FOCAD: variants seen among roughly 807,000 people sequenced by gnomAD.
FOCAD encodes focadhesin.
In FOCAD, 198 loss-of-function variants were observed where a neutral mutation model predicts 225.6. That is an observed-to-expected ratio of 0.88 (90% CI 0.78 to 0.99). The LOEUF (loss-of-function observed/expected upper bound fraction) is 0.99. Ranked by LOEUF, FOCAD falls within the 50% of genes least tolerant of loss-of-function variation. The pLI is 0.00. For missense variants in FOCAD, 2,713 were observed against 2,123.6 expected, an observed-to-expected ratio of 1.28 and a Z score of -5.46; for synonymous variants, 897 against 755.0, an observed-to-expected ratio of 1.19 and a Z score of -3.08.
chr9:20,745,206 C>A (rs1437635216), intron 5 of FOCAD, among the ~76,000 whole-genome samples: 2 of 151,732 alleles, frequency 1.3e-5, no homozygotes, highest in African/African-American at 4.8e-5. Flanking sequence ...GCCTCCCAGG[C>A]TCAAGCTATC....
intron 24 of FOCAD, among the ~76,000 whole-genome samples, chr9:20,923,429 A>G (rs748801414): frequency 1.1e-4 from 16 of 152,226 alleles, no homozygotes; most frequent in Non-Finnish European, 2.1e-4. Flanking sequence ...TTAAGTTATG[A>G]AAAGGCATAA....
At chr9:20,816,863 C>T (rs866276976) in intron 11 of FOCAD, among the ~76,000 whole-genome samples, 3 of 152,038 alleles carry the variant, frequency 2.0e-5, no homozygotes, top group African/African-American at 7.2e-5. Flanking sequence ...ATTTACATAG[C>T]ATTTACATTG....
At chr9:20,704,650 A>AT (rs1018543887) in intron 1 of FOCAD, among the ~76,000 whole-genome samples, 8 of 152,224 alleles carry the variant, frequency 5.3e-5, no homozygotes, top group Admixed American at 1.3e-4. Flanking sequence ...CCCCTTTTCA[A>AT]TATTACTCTT....
intron 41 of FOCAD, among the ~76,000 whole-genome samples, chr9:20,989,499 T>C (rs1054381547): frequency 6.6e-6 from 1 of 152,136 alleles, no homozygotes; most frequent in East Asian, 1.9e-4. Context: ...GAAATCTAAA[T>C]GGATAGATCC....
At chr9:20,935,641 C>T (rs1331547929) in intron 28 of FOCAD, among the ~76,000 whole-genome samples, 1 of 152,216 alleles carries the variant, frequency 6.6e-6, no homozygotes, top group East Asian at 1.9e-4. Context: ...TCATGTGATC[C>T]ACCTGCTTCT....
chr9:20,787,196 A>G (rs1347541429), intron 10 of FOCAD: 1 of 167,906 alleles, frequency 6.0e-6, no homozygotes, highest in Non-Finnish European at 1.3e-5. Context: ...TGTCTCTGTT[A>G]TGTTGTTGCT....
At chr9:20,789,675 C>T (rs1291437968) in intron 11 of FOCAD, 67 bp downstream of exon 11, 1 of 1,567,726 alleles carries the variant, frequency 6.4e-7, no homozygotes, top group African/African-American at 1.4e-5. Flanking sequence ...TAGATTATTC[C>T]TGCTTTGTGG....
rs142057918 is a variant in FOCAD at position 20,884,508 on chromosome 9, G to A, written c.2504-601G>A. Among the ~76,000 whole-genome samples, 116 of 152,018 alleles carry A rather than the reference G, an allele frequency of 7.6e-4. 2 individuals carry two copies. In the East Asian group the frequency reaches 0.018, roughly 24 times the overall value. ...GATGGGGTTTCACCATGTTGACCTG[G>A]CTGGTCTCAAACTCCTGACCTCAAG... On this transcript the variant is annotated intron_variant, in intron 20 of 43. Transcript: ENST00000338382.
At chr9:20,846,930 C>A (rs1209078351) in intron 15 of FOCAD, among the ~76,000 whole-genome samples, 2 of 152,064 alleles carry the variant, frequency 1.3e-5, no homozygotes, top group Non-Finnish European at 2.9e-5. Flanking sequence ...TATTACCTTT[C>A]ATGTTACAGA....
At chr9:20,843,148 A>G (rs1826713436) in intron 15 of FOCAD, among the ~76,000 whole-genome samples, 1 of 152,050 alleles carries the variant, frequency 6.6e-6, no homozygotes, top group South Asian at 2.1e-4. Flanking sequence ...ACATACCAGA[A>G]TTACAATATT....
chr9:20,990,529 G>A (rs999408093), intron 42 of FOCAD, among the ~76,000 whole-genome samples, 155 bp downstream of exon 42: 1 of 152,232 alleles, frequency 6.6e-6, no homozygotes, highest in African/African-American at 2.4e-5. Flanking sequence ...GAGTCTCAGA[G>A]ATTGAGGCTA....
intron 9 of FOCAD, among the ~76,000 whole-genome samples, chr9:20,780,145 G>A (rs1409931918): frequency 6.6e-6 from 1 of 152,098 alleles, no homozygotes; most frequent in African/African-American, 2.4e-5. Context: ...TTATAGATTT[G>A]TGCAACCAGC....
At chr9:20,899,502 G>C (rs1441971878) in intron 21 of FOCAD, among the ~76,000 whole-genome samples, 2 of 151,888 alleles carry the variant, frequency 1.3e-5, no homozygotes, top group African/African-American at 4.8e-5. Flanking sequence ...TCTGTGACCT[G>C]ATTTTCTTTT....
intron 1 of FOCAD, among the ~76,000 whole-genome samples, chr9:20,703,947 T>G: frequency 6.6e-6 from 1 of 152,238 alleles, no homozygotes; most frequent in Non-Finnish European, 1.5e-5. Flanking sequence ...CTCCTCCCTT[T>G]AGCCCCCAAA....
intron 15 of FOCAD, 40 bp from the exon 16 acceptor site, chr9:20,862,531 TAGGTTGG>T: frequency 6.3e-7 from 1 of 1,591,808 alleles, no homozygotes; most frequent in South Asian, 1.2e-5. Flanking sequence ...TGGCTTCATA[TAGGTTGG>T]AGTCTTGTTA....
At chr9:20,715,042 GT>G (rs1002531821) in intron 1 of FOCAD, among the ~76,000 whole-genome samples, 1 of 152,092 alleles carries the variant, frequency 6.6e-6, no homozygotes, top group African/African-American at 2.4e-5. Flanking sequence ...ACTTTTGGAT[GT>G]TTTTTTCATT....
Position 20,663,474 on chromosome 9 carries a change from AACAC to A in FOCAD, c.-78+4678_-78+4681del, listed in dbSNP as rs367867901. 3.7e-3 allele frequency among the ~76,000 whole-genome samples: 557 copies of A among 149,034 alleles called. 3 individuals are homozygous for A. Among genetic ancestry groups the A allele is most frequent in the African/African-American group, 0.011 (434 of 40,514 alleles). ...TACTACATGTATGCATGTGTGCATG[AACAC>A]ACACACACACACACACACACACACA... On this transcript the variant is annotated intron_variant, in intron 2 of 45. Transcript: ENST00000380249.
chr9:20,769,959 G>C, intron 7 of FOCAD, 73 bp from the exon 8 acceptor site: 18 of 1,382,728 alleles, frequency 1.3e-5, no homozygotes, highest in Non-Finnish European at 1.8e-5. Flanking sequence ...ATTGTTCAAA[G>C]CTTTTTGTGT....
chr9:20,743,925 A>G (rs1827833143), intron 5 of FOCAD, among the ~76,000 whole-genome samples: 1 of 152,156 alleles, frequency 6.6e-6, no homozygotes, highest in Non-Finnish European at 1.5e-5. Flanking sequence ...GGGTGGCAAG[A>G]AGTCTGTATC....
Sources: gnomAD v4.1 joint callset for allele counts (sites outside exome capture counted in the v4.1 genomes callset) on GRCh38, gnomAD v4.1.1 for gene constraint, MANE v1.5 for transcripts, NCBI Gene and HGNC (gene_info 2026-07-23, HGNC 2026-07-21) for gene names.